The following DNM2 variants were observed in gnomAD, a reference collection of about 807,000 sequenced individuals.
DNM2 encodes dynamin 2.
A neutral mutation model predicts 99.0 loss-of-function variants in DNM2; 15 were observed. That is an observed-to-expected ratio of 0.15 (90% CI 0.10 to 0.23). The LOEUF (loss-of-function observed/expected upper bound fraction) is 0.23. Ranked by LOEUF, DNM2 falls within the 10% of genes least tolerant of loss-of-function variation. The pLI is 1.00. For synonymous variants in DNM2, 525 were observed against 481.2 expected (o/e 1.09, Z -1.19); for missense variants, 742 against 1,189.4 (o/e 0.62, Z 5.53).
At chr19:10,823,755 A>T (rs1353616413) in intron 16 of DNM2, 33 bp from the exon 17 acceptor site, 3 of 1,599,742 alleles carry the variant, frequency 1.9e-6, no homozygotes, top group Non-Finnish European at 1.7e-6. Flanking sequence ...GGCAGGGTCA[A>T]GCTTGTGCCC....
At chr19:10,829,569 G>A (rs1174467092) in intron 19 of DNM2, among the ~76,000 whole-genome samples, 4 of 152,234 alleles carry the variant, frequency 2.6e-5, no homozygotes, top group African/African-American at 2.4e-5. Context: ...AGGGGCAGCA[G>A]CCACAGGAGA....
rs1270925372 is a variant in DNM2, at chr19:10,765,635, T to C, written c.235+5824T>C. On this transcript the variant is annotated intron_variant, in intron 2 of 20. Coordinates refer to ENST00000389253, the MANE Select transcript of DNM2 (RefSeq NM_001005361.3). The surrounding 1 kb of genome is among the most constrained non-coding windows in gnomAD (Gnocchi z 4.4). ...CGTATTGCCTCGGATTAGAGAGAAC[T>C]CAAGGGCTAAATGGGCATGGGAAGT... Among the ~76,000 whole-genome samples, 1 of 152,214 alleles carries C rather than the reference T, an allele frequency of 6.6e-6. No individual in the cohort carries two copies. The highest frequency in any genetic ancestry group is 1.5e-5 in the Non-Finnish European group (1 of 68,024).
chr19:10,822,950 C>CA (rs2073026680), intron 16 of DNM2, among the ~76,000 whole-genome samples: 3 of 151,830 alleles, frequency 2.0e-5, no homozygotes, highest in Admixed American at 2.0e-4. Flanking sequence ...ACTAAAAATG[C>CA]AAAAAATTAG....
intron 12 of DNM2, among the ~76,000 whole-genome samples, chr19:10,802,876 A>G (rs1268072894): frequency 6.6e-6 from 1 of 152,208 alleles, no homozygotes; most frequent in Non-Finnish European, 1.5e-5. Context: ...TGATTTCAGC[A>G]GGATGTCGAT....
chr19:10,798,332 TG>T (rs1213633926), intron 10 of DNM2, 153 bp from the exon 11 acceptor site: 8 of 673,124 alleles, frequency 1.2e-5, no homozygotes, highest in Admixed American at 8.3e-5. Flanking sequence ...AGCTCCCAGC[TG>T]GACTCACTGG....
intron 1 of DNM2, among the ~76,000 whole-genome samples, chr19:10,750,256 A>C (rs1211450459): frequency 6.6e-6 from 1 of 152,076 alleles, no homozygotes; most frequent in Non-Finnish European, 1.5e-5. Flanking sequence ...ATGCGGGAAG[A>C]TTGCATGAGG....
At chr19:10,757,358 G>C (rs981068211) in intron 1 of DNM2, among the ~76,000 whole-genome samples, 1 of 152,182 alleles carries the variant, frequency 6.6e-6, no homozygotes, top group Non-Finnish European at 1.5e-5. Flanking sequence ...TGTGTGGAAA[G>C]AGCACATCTC....
Position 10,812,477 on chromosome 19 carries a change from C to A in DNM2, c.1671+100C>A. ...GGCAGAACTCAGTCACTGCGCCACT[C>A]TGCCCTGAGTCACCATTAGGACTGT... On this transcript the variant is annotated intron_variant, in intron 15 of 20. Coordinates refer to ENST00000389253, the MANE Select transcript of DNM2 (RefSeq NM_001005361.3). This position sits in a 1 kb window ranked among gnomAD's most constrained non-coding sequence, Gnocchi z 4.0. The A allele has an allele frequency of 1.0e-6, 1 of 981,776 alleles. No individual in the cohort carries two copies. The highest frequency in any genetic ancestry group is 1.5e-6 in the Non-Finnish European group (1 of 652,004). 60.8% of individuals were successfully genotyped at this position (981,776 alleles called of 1,614,324 possible).
At chr19:10,819,028 G>A (rs1160466669) in intron 15 of DNM2, among the ~76,000 whole-genome samples, 1 of 152,114 alleles carries the variant, frequency 6.6e-6, no homozygotes, top group Non-Finnish European at 1.5e-5. Flanking sequence ...TGACTCGCCA[G>A]CCCCTTGCCC....
rs773598203 is a variant in DNM2 at position 10,823,858 on chromosome 19, G to T, written c.1852G>T (p.Ala618Ser). The T allele has an allele frequency of 4.3e-6, 7 of 1,613,850 alleles. No homozygotes were observed. Among genetic ancestry groups the T allele is most frequent in the East Asian group, 2.2e-5 (1 of 44,886 alleles). Residue 618 changes from alanine to serine, a missense_variant, in exon 17 of 21, where the codon GCC (alanine) becomes TCC (serine). Physicochemically the swap from Ala to Ser is moderately conservative, Grantham distance 99 (BLOSUM62 1). Transcript: ENST00000389253. ...CCAGGAAGACGTGGACAGCTGGAAG[G>T]CCTCGTTCCTCCGAGCTGGCGTCTA... is the stretch of plus-strand genomic sequence containing the variant. ...DSQEDVDSWK[A>S]SFLRAGVYPE...
intron 1 of DNM2, among the ~76,000 whole-genome samples, chr19:10,746,727 G>T (rs868538963): frequency 0.021 from 2,381 of 116,002 alleles, 149 homozygotes; most frequent in Non-Finnish European, 0.03. Context: ...CTTTTTTTTT[G>T]TTTTTTGTTT....
chr19:10,819,696 G>C (rs2072907234), intron 15 of DNM2, among the ~76,000 whole-genome samples: 1 of 152,186 alleles, frequency 6.6e-6, no homozygotes, highest in Non-Finnish European at 1.5e-5. Flanking sequence ...GGTAGAGTTA[G>C]GGCAGGAGGG....
intron 19 of DNM2, 132 bp from the exon 20 acceptor site, chr19:10,829,995 G>A (rs761189869): frequency 6.2e-5 from 83 of 1,345,076 alleles, no homozygotes; most frequent in Non-Finnish European, 8.3e-5. Context: ...CTCAGGTTGG[G>A]GTGGGAGGAT....
chr19:10,744,859 C>T (rs1391577000), intron 1 of DNM2, among the ~76,000 whole-genome samples: 3 of 151,930 alleles, frequency 2.0e-5, no homozygotes, highest in African/African-American at 7.3e-5. Context: ...AGGATGACAC[C>T]GAGGACACCC....
intron 7 of DNM2, among the ~76,000 whole-genome samples, chr19:10,792,052 C>T (rs1045719290): frequency 2.6e-5 from 4 of 152,162 alleles, no homozygotes; most frequent in African/African-American, 4.8e-5. Flanking sequence ...TGTCCCATTG[C>T]GCTCCAGCTT....
intron 1 of DNM2, among the ~76,000 whole-genome samples, chr19:10,736,579 C>T (rs922816808): frequency 6.6e-6 from 1 of 152,134 alleles, no homozygotes; most frequent in Non-Finnish European, 1.5e-5. Context: ...TGTATTAGTA[C>T]GTGGAAAGCC....
At chr19:10,824,855 A>T (rs1403663336) in intron 17 of DNM2, 6 of 715,328 alleles carry the variant, frequency 8.4e-6, no homozygotes, top group Admixed American at 2.6e-5. Flanking sequence ...AGGTGAGGGG[A>T]TCCACCCCAG....
intron 1 of DNM2, among the ~76,000 whole-genome samples, chr19:10,729,037 A>G (rs1482818822): frequency 6.6e-6 from 1 of 151,574 alleles, no homozygotes; most frequent in Admixed American, 6.6e-5. Flanking sequence ...CCTGGCCAAC[A>G]TGGCGAAACC....
intron 1 of DNM2, among the ~76,000 whole-genome samples, chr19:10,724,681 T>A (rs2069055625): frequency 6.6e-6 from 1 of 152,122 alleles, no homozygotes; most frequent in Non-Finnish European, 1.5e-5. Flanking sequence ...AGGAACATTG[T>A]GGGCAGGGAG....
Sources: gnomAD v4.1 joint callset for allele counts (sites outside exome capture counted in the v4.1 genomes callset) on GRCh38, gnomAD v4.1.1 for gene constraint, Gnocchi (gnomAD v3.1) non-coding constraint, MANE v1.5 for transcripts, NCBI Gene and HGNC (gene_info 2026-07-23, HGNC 2026-07-21) for gene names.